SGK3: variants seen among roughly 807,000 people sequenced by gnomAD.
SGK3 encodes the protein serine/threonine-protein kinase Sgk3.
SGK3 carries 47 observed loss-of-function variants against 68.5 expected under a neutral mutation model. The ratio of observed to expected loss-of-function variants is 0.69; its 90% CI spans 0.54 to 0.87. The LOEUF (loss-of-function observed/expected upper bound fraction) is 0.87. Ranked by LOEUF, SGK3 falls within the 40% of genes least tolerant of loss-of-function variation. The pLI is 0.00. For missense variants in SGK3, 479 were observed against 575.5 expected, an observed-to-expected ratio of 0.83 and a Z score of 1.72; for synonymous variants, 181 against 189.1, an observed-to-expected ratio of 0.96 and a Z score of 0.35.
intron 1 of SGK3, among the ~76,000 whole-genome samples, chr8:66,768,413 T>G (rs1218471669): frequency 6.6e-6 from 1 of 152,042 alleles, no homozygotes; most frequent in East Asian, 1.9e-4. Flanking sequence ...GTTATGAATT[T>G]TTCAGCTTTT....
chr8:66,834,735 C>T (rs887152069), intron 8 of SGK3, among the ~76,000 whole-genome samples: 12 of 151,738 alleles, frequency 7.9e-5, no homozygotes, highest in Non-Finnish European at 1.2e-4. Context: ...AAATCGAGAC[C>T]GTCCTGGCTA....
rs1807555057 is a variant in SGK3 at position 66,793,619 on chromosome 8, G to T, written c.-118G>T. On this transcript the variant is annotated 5_prime_UTR_variant, in exon 2 of 17. Transcript: ENST00000521198. ...TTTTTTTTTTCTGTTGGTTAAGGTT[G>T]CATGATGGAATTTGAACATTACTTC... 7 of 829,946 alleles carry T rather than the reference G, an allele frequency of 8.4e-6. No individual in the cohort carries two copies. Among genetic ancestry groups the T allele is most frequent in the African/African-American group, 1.7e-5 (1 of 57,286 alleles). The allele number at this position is 829,946 out of a possible 1,614,324, so 51.4% of individuals were successfully genotyped here.
At chr8:66,738,325 A>G (rs1016538584) in intron 1 of SGK3, among the ~76,000 whole-genome samples, 4 of 152,262 alleles carry the variant, frequency 2.6e-5, no homozygotes, top group South Asian at 4.1e-4. Flanking sequence ...TGATATCTCT[A>G]TACTTAATTG....
intron 1 of SGK3, among the ~76,000 whole-genome samples, chr8:66,783,027 T>C (rs969819651): frequency 6.6e-6 from 1 of 152,212 alleles, no homozygotes; most frequent in African/African-American, 2.4e-5. Context: ...ATAGTAAGAA[T>C]ATGTTTAGTT....
At chr8:66,761,336 G>T (rs1290364273) in intron 1 of SGK3, among the ~76,000 whole-genome samples, 1 of 152,138 alleles carries the variant, frequency 6.6e-6, no homozygotes, top group Non-Finnish European at 1.5e-5. Flanking sequence ...ACAAGTGATG[G>T]TGAAGAATAC....
intron 1 of SGK3, among the ~76,000 whole-genome samples, chr8:66,745,638 G>A (rs1445838651): frequency 1.3e-5 from 2 of 152,140 alleles, no homozygotes; most frequent in Non-Finnish European, 2.9e-5. Flanking sequence ...GTATCTGGGT[G>A]GGACTTTGTC....
intron 1 of SGK3, among the ~76,000 whole-genome samples, chr8:66,718,155 A>C (rs1425671482): frequency 6.6e-6 from 1 of 151,608 alleles, no homozygotes; most frequent in Non-Finnish European, 1.5e-5. Context: ...CCTCCGAAGT[A>C]GCTGGGACTA....
intron 1 of SGK3, among the ~76,000 whole-genome samples, chr8:66,723,566 C>T (rs930412160): frequency 6.6e-6 from 1 of 152,124 alleles, no homozygotes; most frequent in African/African-American, 2.4e-5. Flanking sequence ...ACCCCAGCCT[C>T]CCAAGTAGCT....
In SGK3 at chr8:66,841,078, G is replaced by A. The variant is rs780396359; in HGVS notation, c.946G>A (p.Asp316Asn). The change falls in exon 13 of 17, where the codon GAC (aspartate) becomes AAC (asparagine). Residue 316 changes from aspartate (D) to asparagine (N), a missense_variant. Coordinates refer to ENST00000521198, the MANE Select transcript of SGK3 (RefSeq NM_001033578.3). ...TTGTAAAGAAGGAATTGCTATTTCT[G>A]ACACCACTACCACATTTTGTGGGAC... ...GLCKEGIAIS[D>N]TTTTFCGTPE... is the part of the protein sequence containing the mutation. 2 of 1,596,750 alleles carry A rather than the reference G, an allele frequency of 1.3e-6. No individual in the cohort carries two copies. Among genetic ancestry groups the A allele is most frequent in the East Asian group, 4.6e-5 (2 of 43,768 alleles).
chr8:66,812,636 G>C (rs1808424128), intron 4 of SGK3, among the ~76,000 whole-genome samples: 1 of 151,150 alleles, frequency 6.6e-6, no homozygotes, highest in Admixed American at 6.6e-5. Context: ...AACAACAAAA[G>C]TAATAGTATC....
intron 1 of SGK3, among the ~76,000 whole-genome samples, chr8:66,729,735 T>TTATTTATATTTATTTATTTATTTATTTA (rs149985419): frequency 2.0e-5 from 3 of 150,908 alleles, no homozygotes; most frequent in African/African-American, 7.4e-5. Context: ...ATTTATTTAT[T>TTATTTATATTTATTTATTTATTTATTTA]TTTATTTATT....
At chr8:66,853,284 CTA>C (rs1810367600) in intron 16 of SGK3, among the ~76,000 whole-genome samples, 1 of 151,980 alleles carries the variant, frequency 6.6e-6, no homozygotes, top group African/African-American at 2.4e-5. Context: ...TTAAATAATT[CTA>C]TGTTTAGTGC....
intron 10 of SGK3, among the ~76,000 whole-genome samples, chr8:66,838,031 TTGCCATGGCATTTATATTAAA>T (rs898401261): frequency 2.6e-5 from 4 of 152,200 alleles, no homozygotes; most frequent in African/African-American, 9.6e-5. Flanking sequence ...CCCATTTAAT[TTGCCATGGCATTTATATTAAA>T]TGCCATGAAA....
At chr8:66,740,776 G>T (rs146852760) in intron 1 of SGK3, among the ~76,000 whole-genome samples, 9 of 152,120 alleles carry the variant, frequency 5.9e-5, no homozygotes, top group African/African-American at 2.2e-4. Context: ...GTGTGGTGGT[G>T]CACGCCCGTA....
chr8:66,725,815 C>G (rs1804970340), intron 1 of SGK3, among the ~76,000 whole-genome samples: 1 of 152,074 alleles, frequency 6.6e-6, no homozygotes, highest in Non-Finnish European at 1.5e-5. Context: ...TAAATTATTG[C>G]TGGCTTATTG....
chr8:66,812,109 T>A (rs1808402965), intron 4 of SGK3, among the ~76,000 whole-genome samples: 2 of 152,206 alleles, frequency 1.3e-5, no homozygotes, highest in Admixed American at 1.3e-4. Flanking sequence ...ATAATTTTGG[T>A]GACAAACACT....
rs189951614 is a variant in SGK3, at chr8:66,768,003, C to T, written c.-121-25613C>T. The T allele has an allele frequency of 1.7e-5, 13 of 767,432 alleles. No individual in the cohort carries two copies. The East Asian group carries it at 2.8e-4, about 16-fold the overall frequency. The allele number at this position is 767,432 out of a possible 1,614,324, so 47.5% of individuals were successfully genotyped here. ...CCTTATCAACATAGATCAGAGTAGCCATTCTGGATTATTGCCGCTCTCAAC... is the reference window on the plus strand; with the variant it reads ...CCTTATCAACATAGATCAGAGTAGCTATTCTGGATTATTGCCGCTCTCAAC... On this transcript the variant is annotated intron_variant, in intron 1 of 16. Coordinates refer to ENST00000521198, the MANE Select transcript of SGK3 (RefSeq NM_001033578.3).
At chr8:66,798,492 G>GT (rs762459024) in intron 2 of SGK3, 50 bp from the exon 3 acceptor site, 26 of 1,519,034 alleles carry the variant, frequency 1.7e-5, no homozygotes, top group Middle Eastern at 3.8e-4. Flanking sequence ...TAGCTAATGG[G>GT]TTTTTTGCAA....
At position 66,769,705 on chromosome 8, in the gene SGK3, T is replaced by G. The variant is rs182987825; in HGVS notation, c.-121-23911T>G. Among the ~76,000 whole-genome samples the G allele has an allele frequency of 6.0e-3, 913 of 152,300 alleles. 7 individuals carry two copies. Among genetic ancestry groups the G allele is most frequent in the Non-Finnish European group, 0.01 (710 of 68,024 alleles). ...AATTTTATGCTTTCTTTGTCTCTAC[T>G]TAACTTTTTGAGTATATTACTATTG... On this transcript the variant is annotated intron_variant, in intron 1 of 16. Transcript: ENST00000521198.
Sources: allele counts gnomAD v4.1 joint callset (sites outside exome capture counted in the v4.1 genomes callset), GRCh38; gene constraint gnomAD v4.1.1; transcripts MANE v1.5; gene names NCBI Gene and HGNC (gene_info 2026-07-23, HGNC 2026-07-21).